The following TMEM135 variants were observed in gnomAD, a reference collection of about 807,000 sequenced individuals.
TMEM135 encodes peroxisomal membrane protein 52.
TMEM135 carries 30 observed loss-of-function variants against 60.3 expected under a neutral mutation model. The ratio of observed to expected loss-of-function variants is 0.50; its 90% CI spans 0.37 to 0.68. The LOEUF is 0.68. Ranked by LOEUF, TMEM135 falls within the 30% of genes least tolerant of loss-of-function variation. TMEM135 has a pLI of 0.00. For missense variants in TMEM135, 468 were observed against 548.8 expected, an observed-to-expected ratio of 0.85 and a Z score of 1.47; for synonymous variants, 190 against 186.7, an observed-to-expected ratio of 1.02 and a Z score of -0.14.
intron 1 of TMEM135, among the ~76,000 whole-genome samples, chr11:87,057,711 G>C (rs910372141): frequency 6.6e-6 from 1 of 151,972 alleles, no homozygotes; most frequent in Non-Finnish European, 1.5e-5. Flanking sequence ...GGCTTTTGTA[G>C]CTTATGATTC....
chr11:87,142,359 G>A (rs1355457574), intron 4 of TMEM135, among the ~76,000 whole-genome samples: 1 of 152,212 alleles, frequency 6.6e-6, no homozygotes, highest in African/African-American at 2.4e-5. Flanking sequence ...TGTGGAAGCA[G>A]CCTCATGTAG....
intron 6 of TMEM135, among the ~76,000 whole-genome samples, chr11:87,285,599 C>T (rs1422961077): frequency 6.6e-6 from 1 of 152,144 alleles, no homozygotes; most frequent in Non-Finnish European, 1.5e-5. Flanking sequence ...GTCTCGCTGG[C>T]CTCAGGAGTG....
chr11:87,278,737 T>TAC (rs1468200733), intron 6 of TMEM135, among the ~76,000 whole-genome samples: 3 of 152,298 alleles, frequency 2.0e-5, no homozygotes, highest in African/African-American at 7.2e-5. Flanking sequence ...TTGAAGAGTA[T>TAC]ACTCTATGAG....
At position 87,321,950 on chromosome 11, in the gene TMEM135, T is replaced by G. The variant is rs1272422291; in HGVS notation, c.*617T>G. On this transcript the variant is annotated 3_prime_UTR_variant, in exon 15 of 15. Transcript: ENST00000305494. ...GGATAAATGTCGTGGTATCCATGCT[T>G]TTTTTCAACTAATAACATCATCTCT... The G allele has an allele frequency of 2.2e-6, 1 of 454,262 alleles. No individual in the cohort carries two copies. The highest frequency in any genetic ancestry group is 4.4e-6 in the Non-Finnish European group (1 of 226,722). 28.1% of individuals were successfully genotyped at this position (454,262 alleles called of 1,614,324 possible).
chr11:87,095,070 AT>A, intron 4 of TMEM135: 1 of 191,998 alleles, frequency 5.2e-6, no homozygotes, highest in Non-Finnish European at 1.1e-5. Context: ...CAGCAAAAGC[AT>A]TTTACTTTAT....
rs1941288654 is a variant in TMEM135, at chr11:87,246,865, C to T, written c.509+10181C>T. Among the ~76,000 whole-genome samples the T allele has an allele frequency of 1.7e-5, 2 of 118,636 alleles. 1 individual carries two copies. The highest frequency in any genetic ancestry group is 3.7e-5 in the Non-Finnish European group (2 of 53,744). The allele number at this position is 118,636 out of a possible 152,430, so 77.8% of individuals were successfully genotyped here. On this transcript the variant is annotated intron_variant, in intron 6 of 14. Transcript: ENST00000305494. ...CTTCTCTCAACTCGTCAAAGTCATT[C>T]TCCGTCCAACGTTGTTCCATTGCTG...
At chr11:87,296,346 A>G (rs1002657669) in intron 7 of TMEM135, among the ~76,000 whole-genome samples, 20 of 152,328 alleles carry the variant, frequency 1.3e-4, no homozygotes, top group Non-Finnish European at 2.8e-4. Context: ...GAATTTTCTC[A>G]TAGATTAGAA....
Position 87,312,127 on chromosome 11 carries a change from A to C in TMEM135, c.937-1298A>C, listed in dbSNP as rs1333646892. Among the ~76,000 whole-genome samples, 3 of 148,908 alleles carry C rather than the reference A, an allele frequency of 2.0e-5. No homozygotes were observed. The South Asian group carries it at 6.3e-4, about 31-fold the overall frequency. On this transcript the variant is annotated intron_variant, in intron 10 of 14. Coordinates refer to ENST00000305494, the MANE Select transcript of TMEM135 (RefSeq NM_022918.4). Reference sequence around the variant, plus strand: ...TTATGATGTGATTGAGTTTAAACCTACTTTCATGTTAGTTTTTTTGTATTT... The same window carrying C: ...TTATGATGTGATTGAGTTTAAACCTCCTTTCATGTTAGTTTTTTTGTATTT...
chr11:87,070,676 C>T (rs1276484300), intron 2 of TMEM135, among the ~76,000 whole-genome samples: 1 of 151,956 alleles, frequency 6.6e-6, no homozygotes, highest in Non-Finnish European at 1.5e-5. Flanking sequence ...AAAAACGAAA[C>T]CCAGACAGCT....
intron 1 of TMEM135, among the ~76,000 whole-genome samples, chr11:87,062,568 G>T (rs1412259393): frequency 6.7e-6 from 1 of 150,020 alleles, no homozygotes; most frequent in Non-Finnish European, 1.5e-5. Context: ...GAGTTCAAGC[G>T]ATTCTCCTGC....
intron 5 of TMEM135, among the ~76,000 whole-genome samples, chr11:87,196,355 G>T (rs962613927): frequency 1.3e-4 from 20 of 151,756 alleles, no homozygotes; most frequent in African/African-American, 4.8e-4. Flanking sequence ...GATTATTAAG[G>T]TTACAGTATC....
At chr11:87,248,346 ATCT>A (rs1482920629) in intron 6 of TMEM135, among the ~76,000 whole-genome samples, 1 of 152,210 alleles carries the variant, frequency 6.6e-6, no homozygotes, top group African/African-American at 2.4e-5. Context: ...TTTTCTTCAC[ATCT>A]TCTCACAGCA....
chr11:87,158,470 T>TTA (rs1157333458), intron 5 of TMEM135, among the ~76,000 whole-genome samples: 2 of 151,350 alleles, frequency 1.3e-5, no homozygotes, highest in Admixed American at 6.6e-5. Flanking sequence ...TATAATTTTT[T>TTA]TTTTTTTTTG....
chr11:87,094,885 G>A (rs949961852), intron 4 of TMEM135: 21 of 157,384 alleles, frequency 1.3e-4, no homozygotes, highest in African/African-American at 5.1e-4. Flanking sequence ...CTTATAGTTA[G>A]TGATGACATT....
intron 4 of TMEM135, among the ~76,000 whole-genome samples, chr11:87,109,153 A>C (rs1264502603): frequency 1.3e-5 from 2 of 152,152 alleles, no homozygotes; most frequent in Admixed American, 6.5e-5. Context: ...GAGTGTGTAC[A>C]TATGGAAAAA....
intron 5 of TMEM135, among the ~76,000 whole-genome samples, chr11:87,178,087 G>C (rs1479731081): frequency 6.6e-6 from 1 of 152,128 alleles, no homozygotes; most frequent in Non-Finnish European, 1.5e-5. Flanking sequence ...CAGTATATGG[G>C]TGTGATTGAT....
intron 5 of TMEM135, among the ~76,000 whole-genome samples, chr11:87,231,002 G>A (rs982983496): frequency 4.6e-5 from 7 of 152,048 alleles, no homozygotes; most frequent in Non-Finnish European, 1.0e-4. Flanking sequence ...AAAATGGTAT[G>A]CAAGATCCTG....
intron 5 of TMEM135, among the ~76,000 whole-genome samples, chr11:87,214,872 T>C (rs1314000279): frequency 1.3e-5 from 2 of 152,152 alleles, no homozygotes; most frequent in Non-Finnish European, 2.9e-5. Context: ...CATTGTAAAA[T>C]ATATTCTAGA....
intron 5 of TMEM135, among the ~76,000 whole-genome samples, chr11:87,189,047 T>G (rs1939722996): frequency 6.6e-6 from 1 of 152,158 alleles, no homozygotes; most frequent in Non-Finnish European, 1.5e-5. Flanking sequence ...GTAATAATGC[T>G]ATTCCTTACT....
Sources: gnomAD v4.1 joint callset for allele counts (sites outside exome capture counted in the v4.1 genomes callset) on GRCh38, gnomAD v4.1.1 for gene constraint, MANE v1.5 for transcripts, NCBI Gene and HGNC (gene_info 2026-07-23, HGNC 2026-07-21) for gene names.